Variants in FRRS1 observed in about 807,000 individuals in gnomAD.
FRRS1 encodes the protein ferric chelate reductase 1, also known as ferric reductase 1.
In FRRS1, 51 loss-of-function variants were observed where a neutral mutation model predicts 70.7. That is an observed-to-expected ratio of 0.72 (90% CI 0.58 to 0.91). The LOEUF is 0.91. Ranked by LOEUF, FRRS1 falls within the 40% of genes least tolerant of loss-of-function variation. FRRS1 has a pLI of 0.00. For synonymous variants in FRRS1, 225 were observed against 238.7 expected (o/e 0.94, Z 0.53); for missense variants, 672 against 726.0 (o/e 0.93, Z 0.86).
chr1:99,756,278 T>C (rs1426690011), intron 1 of FRRS1, among the ~76,000 whole-genome samples: 1 of 152,190 alleles, frequency 6.6e-6, no homozygotes, highest in Non-Finnish European at 1.5e-5. Flanking sequence ...GATTTACTAT[T>C]TTAAAAAACC....
intron 9 of FRRS1, among the ~76,000 whole-genome samples, chr1:99,720,596 T>A (rs778009737): frequency 2.0e-5 from 3 of 152,134 alleles, no homozygotes; most frequent in Non-Finnish European, 4.4e-5. Flanking sequence ...GGTTATATTA[T>A]CTGCCCAAAA....
intron 6 of FRRS1, among the ~76,000 whole-genome samples, chr1:99,739,542 CGTT>C (rs1396078678): frequency 6.6e-6 from 1 of 151,960 alleles, no homozygotes; most frequent in African/African-American, 2.4e-5. Context: ...TGCTATAAGA[CGTT>C]GAAGAGAAGG....
intron 7 of FRRS1, among the ~76,000 whole-genome samples, chr1:99,733,933 T>A (rs1271632693): frequency 3.3e-5 from 5 of 152,164 alleles, no homozygotes; most frequent in Non-Finnish European, 7.4e-5. Context: ...TGATCAAACA[T>A]AGCATCATCA....
At chr1:99,717,356 G>T in intron 11 of FRRS1, 54 bp downstream of exon 11, 1 of 1,110,508 alleles carries the variant, frequency 9.0e-7, no homozygotes, top group Non-Finnish European at 1.4e-6. Flanking sequence ...ATGTTTTCAT[G>T]TTGCAATGTT....
At chr1:99,745,008 AAAG>A (rs1213341698) in intron 4 of FRRS1, among the ~76,000 whole-genome samples, 1 of 151,186 alleles carries the variant, frequency 6.6e-6, no homozygotes, top group African/African-American at 2.4e-5. Flanking sequence ...GAAAGAAAGA[AAAG>A]AAAATCATTG....
At chr1:99,728,741 T>C in intron 8 of FRRS1, 101 bp from the exon 9 acceptor site, 1 of 942,652 alleles carries the variant, frequency 1.1e-6, no homozygotes, top group Non-Finnish European at 1.6e-6. Flanking sequence ...TTCTCTAAGA[T>C]CGTATGTCCA....
At chr1:99,714,537 G>A (rs746930436) in intron 12 of FRRS1, among the ~76,000 whole-genome samples, 13 of 152,114 alleles carry the variant, frequency 8.5e-5, no homozygotes, top group Non-Finnish European at 1.8e-4. Flanking sequence ...GATTGTGCAC[G>A]GGCAAGGGTT....
rs990020128 is a variant in FRRS1, at chr1:99,707,986, T to C, written c.*1042A>G. Among the ~76,000 whole-genome samples the C allele has an allele frequency of 1.3e-5, 2 of 152,232 alleles. No individual in the cohort carries two copies. The highest frequency in any genetic ancestry group is 1.9e-4 in the East Asian group (1 of 5,206). On this transcript the variant is annotated 3_prime_UTR_variant, in exon 17 of 17. Coordinates refer to ENST00000646001, the MANE Select transcript of FRRS1 (RefSeq NM_001361041.2). ...TCCCCAAATGCTGTAAGGACTTAAA[T>C]TTTATAGCCAAAACAATTAACACAT...
intron 5 of FRRS1, 79 bp from the exon 6 acceptor site, chr1:99,741,019 A>G: frequency 1.5e-6 from 2 of 1,299,526 alleles, no homozygotes; most frequent in Non-Finnish European, 2.2e-6. Flanking sequence ...GGAAAAAAAA[A>G]AGAAAGACTA....
intron 1 of FRRS1, among the ~76,000 whole-genome samples, chr1:99,762,761 C>T (rs939049490): frequency 6.6e-6 from 1 of 152,180 alleles, no homozygotes. Flanking sequence ...TTTCAAACCC[C>T]GAACTCTCAG....
rs534932950 is a variant in FRRS1 at position 99,713,945 on chromosome 1, C to T, written c.1324-1430G>A. Reference sequence around the variant, plus strand: ...GGGAGTAATGGAAGCGTGTGCCAGGCAGAAAGAAGAATCATGGCAAAGACT... The same window carrying T: ...GGGAGTAATGGAAGCGTGTGCCAGGTAGAAAGAAGAATCATGGCAAAGACT... On this transcript the variant is annotated intron_variant, in intron 12 of 16. Transcript: ENST00000646001. Among the ~76,000 whole-genome samples, 23 of 152,078 alleles carry T rather than the reference C, an allele frequency of 1.5e-4. No homozygotes were observed. In the South Asian group the frequency reaches 4.8e-3, roughly 32 times the overall value.
At chr1:99,722,651 TCA>T (rs1654894490) in intron 9 of FRRS1, among the ~76,000 whole-genome samples, 2 of 152,172 alleles carry the variant, frequency 1.3e-5, no homozygotes, top group African/African-American at 4.8e-5. Context: ...CAGCACACAT[TCA>T]TATGAATTCT....
chr1:99,726,880 T>C (rs1259840270), intron 9 of FRRS1, among the ~76,000 whole-genome samples: 1 of 152,132 alleles, frequency 6.6e-6, no homozygotes, highest in African/African-American at 2.4e-5. Context: ...CTAATTTCTA[T>C]TTTTTTGTTG....
At position 99,721,893 on chromosome 1, in the gene FRRS1, G is replaced by A. The variant is rs368150707; in HGVS notation, c.1007-2246C>T. On this transcript the variant is annotated intron_variant, in intron 9 of 16. Transcript: ENST00000646001. ...ATAATAGGAGTGAGCAACCACGCCCGGTCGAAAAATTCTTTTTAATTAGTC... is the reference window on the plus strand; with the variant it reads ...ATAATAGGAGTGAGCAACCACGCCCAGTCGAAAAATTCTTTTTAATTAGTC... Among the ~76,000 whole-genome samples, 48 of 151,948 alleles carry A rather than the reference G, an allele frequency of 3.2e-4. No individual in the cohort carries two copies. The East Asian group carries it at 3.7e-3, about 12-fold the overall frequency.
In FRRS1 at chr1:99,730,711, CA is replaced by C. The variant is rs1260752067; in HGVS notation, c.760-964del. Among the ~76,000 whole-genome samples the C allele has an allele frequency of 3.3e-5, 5 of 152,062 alleles. No homozygotes were observed. The South Asian group carries it at 8.3e-4, about 25-fold the overall frequency. ...TGAAACCCCGTCTCTACTAAAAATA[CA>C]AAAAATTAGCTGGGCATGGTAGTGG... is the stretch of plus-strand genomic sequence containing the variant. On this transcript the variant is annotated intron_variant, in intron 7 of 16. Transcript: ENST00000646001.
chr1:99,722,604 C>T (rs1368488302), intron 9 of FRRS1, among the ~76,000 whole-genome samples: 1 of 152,122 alleles, frequency 6.6e-6, no homozygotes, highest in Admixed American at 6.6e-5. Flanking sequence ...GATAAAATAT[C>T]ATCTCAATCA....
intron 10 of FRRS1, among the ~76,000 whole-genome samples, chr1:99,718,243 A>G (rs753797895): frequency 5.3e-4 from 81 of 152,200 alleles, no homozygotes; most frequent in Non-Finnish European, 2.4e-4. Flanking sequence ...TTTAAATCCC[A>G]TCTTTTTAAC....
chr1:99,752,980 AGG>A (rs1345837145), intron 1 of FRRS1, among the ~76,000 whole-genome samples: 1 of 152,212 alleles, frequency 6.6e-6, no homozygotes, highest in Non-Finnish European at 1.5e-5. Flanking sequence ...TGAGAGGCTG[AGG>A]ATGAAGGATC....
At chr1:99,710,028 C>T (rs1654199840) in intron 15 of FRRS1, among the ~76,000 whole-genome samples, 1 of 151,920 alleles carries the variant, frequency 6.6e-6, no homozygotes, top group Non-Finnish European at 1.5e-5. Context: ...CATCAAAAGC[C>T]CCACATATAT....
Sources: gnomAD v4.1 joint callset for allele counts (sites outside exome capture counted in the v4.1 genomes callset) on GRCh38, gnomAD v4.1.1 for gene constraint, MANE v1.5 for transcripts, NCBI Gene and HGNC (gene_info 2026-07-23, HGNC 2026-07-21) for gene names.